RARS1: variants seen among roughly 807,000 people sequenced by gnomAD.
The protein encoded by RARS1 is arginyl-tRNA synthetase 1.
Under a neutral mutation model 78.7 loss-of-function variants are expected in RARS1, and 75 were observed. The observed-to-expected ratio is 0.95, with a 90% confidence interval of 0.79 to 1.15. RARS1 has a LOEUF of 1.15. RARS1 is among the 50% of genes most tolerant of loss of function. RARS1 has a pLI of 0.00. For missense variants in RARS1, 787 were observed against 787.5 expected (o/e 1.00, Z 0.01); for synonymous variants, 273 against 268.2 (o/e 1.02, Z -0.18).
At chr5:168,494,031 GT>G in intron 4 of RARS1, 29 bp downstream of exon 4, 2 of 1,548,156 alleles carry the variant, frequency 1.3e-6, no homozygotes, top group South Asian at 2.3e-5. Context: ...CTTCTTAATA[GT>G]TGTATTGAAC....
chr5:168,508,664 G>A (rs1051255045), intron 11 of RARS1, among the ~76,000 whole-genome samples: 2 of 151,218 alleles, frequency 1.3e-5, no homozygotes, highest in Admixed American at 1.3e-4. Context: ...AGGGGGATGG[G>A]ACTTAAGAAA....
chr5:168,506,773 G>T lies in RARS1; in HGVS notation c.1288G>T (p.Asp430Tyr). Residue 430 changes from aspartate (D) to tyrosine (Y), a missense_variant, in exon 11 of 15, where the codon GAC becomes TAC. Transcript: ENST00000231572. ...TGCTGCTCAAATGATTGGTTGGTAT[G>T]ACCCTAAAGTAACTCGAGTCTTCCA... The part of the protein sequence containing the change: ...FAAAQMIGWY[D>Y]PKVTRVFHAG... 6.2e-7 allele frequency: 1 copy of T among 1,613,828 alleles called. No homozygotes were observed. Among genetic ancestry groups the T allele is most frequent in the South Asian group, 1.1e-5 (1 of 91,054 alleles).
At chr5:168,493,812 A>G (rs1024721030) in intron 3 of RARS1, 82 bp from the exon 4 acceptor site, 5 of 1,051,704 alleles carry the variant, frequency 4.8e-6, no homozygotes, top group Admixed American at 4.0e-5. Flanking sequence ...CGTAAAATGC[A>G]TCTCGTGCCT....
chr5:168,490,993 C>G (rs1170263130), intron 2 of RARS1, among the ~76,000 whole-genome samples: 1 of 152,010 alleles, frequency 6.6e-6, no homozygotes, highest in Admixed American at 6.6e-5. Context: ...AAAAATTAGC[C>G]AGGGATGGTG....
chr5:168,496,197 G>A (rs571295138), intron 6 of RARS1, among the ~76,000 whole-genome samples: 2 of 151,838 alleles, frequency 1.3e-5, no homozygotes, highest in African/African-American at 4.8e-5. Context: ...CTGGCAACAT[G>A]GTGAAACCCT....
intron 2 of RARS1, 101 bp from the exon 3 acceptor site, chr5:168,492,549 CCTTTTGGTT>C: frequency 1.0e-6 from 1 of 953,990 alleles, no homozygotes; most frequent in Non-Finnish European, 1.5e-6. Context: ...GTACGTTTTC[CCTTTTGGTT>C]CTTAAGATAT....
In RARS1 at chr5:168,491,875, A is replaced by G. The variant is rs150424311; in HGVS notation, c.181-784A>G. Among the ~76,000 whole-genome samples the G allele has an allele frequency of 2.5e-3, 382 of 152,242 alleles. 1 individual carries two copies. Among genetic ancestry groups the G allele is most frequent in the African/African-American group, 8.7e-3 (362 of 41,532 alleles). Reference sequence around the variant, plus strand: ...AATTGTGATGAACATGTTGATGAACATAAAATTGACAAACATAAAGGTGTA... The same window carrying G: ...AATTGTGATGAACATGTTGATGAACGTAAAATTGACAAACATAAAGGTGTA... On this transcript the variant is annotated intron_variant, in intron 2 of 14. Coordinates refer to ENST00000231572, the MANE Select transcript of RARS1 (RefSeq NM_002887.4).
In RARS1 at chr5:168,500,475, C is replaced by T. The variant is rs112942704; in HGVS notation, c.823-116C>T. The T allele has an allele frequency of 1.3e-4, 130 of 1,022,794 alleles. No individual in the cohort carries two copies. The African/African-American group carries it at 1.7e-3, about 13-fold the overall frequency. 63.4% of individuals were successfully genotyped at this position (1,022,794 alleles called of 1,614,324 possible). A position where few individuals can be genotyped will look rare whatever the true frequency, so the allele number is the denominator to read the frequency against. On this transcript the variant is annotated intron_variant, in intron 7 of 14. Coordinates refer to ENST00000231572, the MANE Select transcript of RARS1 (RefSeq NM_002887.4). Reference sequence around the variant, plus strand: ...ACTATTGAGGGAGAGCACTTGTTCTCGTGTTTGTACTTTCTCACTGTGTTT... The same window carrying T: ...ACTATTGAGGGAGAGCACTTGTTCTTGTGTTTGTACTTTCTCACTGTGTTT...
Position 168,497,288 on chromosome 5 carries a change from C to A in RARS1, c.762C>A (p.Asp254Glu). Residue 254 changes from aspartate to glutamate, a missense_variant, in exon 7 of 15, where the codon GAC becomes GAA. Transcript: ENST00000231572. The stretch of plus-strand genomic sequence containing the variant: ...GCATGCTCATCGCTCACCTGCAAGA[C>A]AAATTTCCAGATTATCTAACAGTTT... ...QFGMLIAHLQ[D>E]KFPDYLTVSP... 1 of 1,592,638 alleles carries A rather than the reference C, an allele frequency of 6.3e-7. No individual in the cohort carries two copies. The highest frequency in any genetic ancestry group is 1.2e-5 in the South Asian group (1 of 85,990).
intron 14 of RARS1, among the ~76,000 whole-genome samples, chr5:168,518,454 CT>C (rs1381774056): frequency 6.6e-6 from 1 of 152,082 alleles, no homozygotes; most frequent in Non-Finnish European, 1.5e-5. Context: ...AATCAGTCTA[CT>C]TTTCTACAAT....
At chr5:168,504,791 C>T (rs939944649) in intron 9 of RARS1, among the ~76,000 whole-genome samples, 8 of 151,950 alleles carry the variant, frequency 5.3e-5, no homozygotes, top group African/African-American at 1.2e-4. Context: ...CACCACTGCA[C>T]TCCAGCCTGG....
At chr5:168,495,102 G>T in intron 5 of RARS1, 5 of 768,448 alleles carry the variant, frequency 6.5e-6, no homozygotes, top group Admixed American at 3.7e-5. Context: ...ACATGAATTT[G>T]ATTCTTTTTC....
Position 168,506,808 on chromosome 5 carries a change from T to C in RARS1, c.1323T>C (p.Phe441=). 6.2e-7 allele frequency: 1 copy of C among 1,612,690 alleles called. No homozygotes were observed. The highest frequency in any genetic ancestry group is 8.5e-7 in the Non-Finnish European group (1 of 1,178,700). ...PKVTRVFHAG[F]GVVLGEDKKK... ...TAACTCGAGTCTTCCATGCTGGATTTGGTGTGGTGCTAGGGGAAGACAAGT... is the reference window on the plus strand; with the variant it reads ...TAACTCGAGTCTTCCATGCTGGATTCGGTGTGGTGCTAGGGGAAGACAAGT... The change falls in exon 11 of 15, where the codon TTT becomes TTC. Residue 441 remains phenylalanine (F), a synonymous_variant. Coordinates refer to ENST00000231572, the MANE Select transcript of RARS1 (RefSeq NM_002887.4).
At chr5:168,492,210 A>C (rs1303726509) in intron 2 of RARS1, among the ~76,000 whole-genome samples, 2 of 152,202 alleles carry the variant, frequency 1.3e-5, no homozygotes, top group Non-Finnish European at 2.9e-5. Flanking sequence ...CTGGTATATT[A>C]ATATTACCTG....
intron 5 of RARS1, 55 bp downstream of exon 5, chr5:168,494,705 A>G: frequency 8.1e-7 from 1 of 1,241,562 alleles, no homozygotes; most frequent in South Asian, 1.2e-5. Flanking sequence ...CGTGGAACCA[A>G]GCATGGTGGT....
intron 1 of RARS1, 82 bp downstream of exon 1, chr5:168,486,625 G>A: frequency 6.9e-7 from 1 of 1,450,986 alleles, no homozygotes; most frequent in Non-Finnish European, 9.4e-7. Flanking sequence ...TCGGGGGCGG[G>A]ACAGCTAGGC....
intron 1 of RARS1, chr5:168,488,295 T>G: frequency 3.0e-6 from 1 of 332,762 alleles, no homozygotes; most frequent in Non-Finnish European, 5.8e-6. Context: ...GCCTAGCTAA[T>G]TTTTGTATTT....
At chr5:168,505,964 T>A in intron 9 of RARS1, 57 bp from the exon 10 acceptor site, 2 of 1,332,890 alleles carry the variant, frequency 1.5e-6, no homozygotes, top group Non-Finnish European at 2.1e-6. Flanking sequence ...TGAGTAAGCA[T>A]TCATTTTCCT....
intron 9 of RARS1, 77 bp from the exon 10 acceptor site, chr5:168,505,944 C>A: frequency 1.8e-6 from 2 of 1,116,976 alleles, no homozygotes; most frequent in Non-Finnish European, 2.6e-6. Context: ...TAAATATTTA[C>A]ATAGTAGAAT....
Sources: allele counts gnomAD v4.1 joint callset (sites outside exome capture counted in the v4.1 genomes callset), GRCh38; gene constraint gnomAD v4.1.1; transcripts MANE v1.5; gene names NCBI Gene and HGNC (gene_info 2026-07-23, HGNC 2026-07-21).